RABGAP1: variants seen among roughly 807,000 people sequenced by gnomAD.
RABGAP1 encodes RAB GTPase activating protein 1.
RABGAP1 carries 23 observed loss-of-function variants against 137.6 expected under a neutral mutation model. The observed-to-expected ratio is 0.17, with a 90% CI of 0.12 to 0.24. The LOEUF (loss-of-function observed/expected upper bound fraction) is 0.24. Ranked by LOEUF, RABGAP1 falls within the 10% of genes least tolerant of loss-of-function variation. The pLI is 1.00. For synonymous variants in RABGAP1, 451 were observed against 450.7 expected (o/e 1.00, Z -0.01); for missense variants, 906 against 1,275.8 (o/e 0.71, Z 4.42).
intron 4 of RABGAP1, among the ~76,000 whole-genome samples, chr9:122,988,264 C>T (rs1836469853): frequency 6.6e-6 from 1 of 152,170 alleles, no homozygotes; most frequent in African/African-American, 2.4e-5. Flanking sequence ...GATCCTCTTC[C>T]TAGGTATTTC....
chr9:122,972,471 T>TTC (rs1170024994), intron 2 of RABGAP1, among the ~76,000 whole-genome samples: 1 of 152,158 alleles, frequency 6.6e-6, no homozygotes, highest in Non-Finnish European at 1.5e-5. Flanking sequence ...CGTCTTAGGC[T>TTC]TCTTCACAGC....
chr9:122,935,438 A>G, the RABGAP1 span, among the ~76,000 whole-genome samples: 10 of 152,072 alleles, frequency 6.6e-5, no homozygotes, highest in African/African-American at 2.4e-4. Flanking sequence ...CCCGGGTTCA[A>G]TTGATTCTCC....
At chr9:123,048,586 G>A (rs902836571) in intron 13 of RABGAP1, among the ~76,000 whole-genome samples, 1 of 152,180 alleles carries the variant, frequency 6.6e-6, no homozygotes, top group Non-Finnish European at 1.5e-5. Flanking sequence ...TTGATATGCA[G>A]TTTACTTGGT....
At chr9:123,058,133 C>G (rs1034043215) in intron 13 of RABGAP1, among the ~76,000 whole-genome samples, 10 of 151,986 alleles carry the variant, frequency 6.6e-5, no homozygotes, top group Non-Finnish European at 7.4e-5. Context: ...ACTGTCTTTT[C>G]TCCCTTAAGA....
At chr9:123,056,991 T>C (rs935389155) in intron 13 of RABGAP1, among the ~76,000 whole-genome samples, 2 of 152,316 alleles carry the variant, frequency 1.3e-5, no homozygotes, top group African/African-American at 2.4e-5. Context: ...AGCTATTGGG[T>C]ACACCTCCCA....
intron 2 of RABGAP1, among the ~76,000 whole-genome samples, chr9:122,982,107 A>G (rs1436641962): frequency 6.6e-6 from 1 of 151,964 alleles, no homozygotes; most frequent in Non-Finnish European, 1.5e-5. Context: ...TTGGAATTGG[A>G]TTGAAGGTTC....
upstream of RABGAP1, chr9:122,938,445 T>G (rs1833425181): frequency 6.6e-6 from 1 of 152,230 alleles, no homozygotes; most frequent in South Asian, 2.1e-4. Flanking sequence ...CCACATTTTC[T>G]TGGGTACAAA....
chr9:122,960,736 T>C (rs544413656), intron 2 of RABGAP1, among the ~76,000 whole-genome samples: 2 of 152,356 alleles, frequency 1.3e-5, no homozygotes, highest in Non-Finnish European at 1.5e-5. Flanking sequence ...GTAGCTATTA[T>C]TAATATATTC....
At chr9:123,026,373 A>G (rs2031970791) in intron 13 of RABGAP1, among the ~76,000 whole-genome samples, 1 of 152,064 alleles carries the variant, frequency 6.6e-6, no homozygotes, top group African/African-American at 2.4e-5. Flanking sequence ...CCTGCTTTGG[A>G]TTTTTTATTA....
chr9:123,026,889 A>G (rs2032001339), intron 13 of RABGAP1, among the ~76,000 whole-genome samples: 1 of 152,194 alleles, frequency 6.6e-6, no homozygotes, highest in African/African-American at 2.4e-5. Context: ...CTACTTCTTC[A>G]GTAGATCATT....
At chr9:122,998,557 T>G in intron 9 of RABGAP1, 40 bp from the exon 10 acceptor site, 1 of 1,384,446 alleles carries the variant, frequency 7.2e-7, no homozygotes, top group Non-Finnish European at 9.7e-7. Flanking sequence ...ATATTTGTGT[T>G]TCTGATTTAC....
At chr9:123,094,302 T>C (rs1018426326) in intron 21 of RABGAP1, among the ~76,000 whole-genome samples, 6 of 152,214 alleles carry the variant, frequency 3.9e-5, no homozygotes, top group Admixed American at 2.0e-4. Flanking sequence ...CATCATTGCC[T>C]GGTTCTGGAC....
At chr9:123,082,619 C>G (rs969959483) in intron 19 of RABGAP1, among the ~76,000 whole-genome samples, 1 of 152,164 alleles carries the variant, frequency 6.6e-6, no homozygotes, top group Admixed American at 6.5e-5. Flanking sequence ...AGTGAGTTTC[C>G]TAGATCAGAC....
chr9:123,085,107 G>C (rs1436067471), intron 19 of RABGAP1, among the ~76,000 whole-genome samples: 1 of 152,238 alleles, frequency 6.6e-6, no homozygotes. Flanking sequence ...ACATTATCTA[G>C]TTCCTGTGAC....
intron 24 of RABGAP1, among the ~76,000 whole-genome samples, chr9:123,100,361 G>C (rs955370705): frequency 6.6e-6 from 1 of 150,650 alleles, no homozygotes; most frequent in Non-Finnish European, 1.5e-5. Context: ...ACTGGCCTTC[G>C]TCATAATTAA....
chr9:123,046,433 CTG>C (rs534644131), intron 13 of RABGAP1, among the ~76,000 whole-genome samples: 257 of 152,248 alleles, frequency 1.7e-3, no homozygotes, highest in Non-Finnish European at 2.8e-3. Flanking sequence ...AATAAGGAGA[CTG>C]TGTAATGTGT....
At chr9:123,041,380 C>T (rs1351164741) in intron 13 of RABGAP1, among the ~76,000 whole-genome samples, 1 of 152,064 alleles carries the variant, frequency 6.6e-6, no homozygotes, top group Non-Finnish European at 1.5e-5. Context: ...TTTGAATTTT[C>T]CTATTTTATA....
chr9:123,034,074 T>G, intron 13 of RABGAP1: 1 of 163,166 alleles, frequency 6.1e-6, no homozygotes, highest in Non-Finnish European at 1.3e-5. Flanking sequence ...CCAGTAGGGG[T>G]GGAGCGGGAG....
chr9:123,059,290 C>G (rs1426743894), intron 13 of RABGAP1, among the ~76,000 whole-genome samples: 1 of 152,166 alleles, frequency 6.6e-6, no homozygotes, highest in African/African-American at 2.4e-5. Flanking sequence ...CAAGGTGGCT[C>G]ACACCTGTAA....
Sources: allele counts gnomAD v4.1 joint callset (sites outside exome capture counted in the v4.1 genomes callset), GRCh38; gene constraint gnomAD v4.1.1; transcripts MANE v1.5; gene names NCBI Gene and HGNC (gene_info 2026-07-23, HGNC 2026-07-21).